The following ADAP1 variants were observed in gnomAD, a reference collection of about 807,000 sequenced individuals.
ADAP1 encodes ArfGAP with dual PH domains 1, also known as arf-GAP with dual PH domain-containing protein 1.
A neutral mutation model predicts 54.9 loss-of-function variants in ADAP1; 31 were observed. That is an observed-to-expected ratio of 0.56 (90% confidence interval 0.42 to 0.76). ADAP1 has a LOEUF of 0.76. ADAP1 is among the 30% of genes least tolerant of loss of function. The pLI is 0.00. For missense variants in ADAP1, 535 were observed against 512.4 expected, an observed-to-expected ratio of 1.04 and a Z score of -0.42; for synonymous variants, 313 against 202.6, an observed-to-expected ratio of 1.55 and a Z score of -4.63.
chr7:922,402 C>T (rs1008606673), intron 3 of ADAP1, among the ~76,000 whole-genome samples: 7 of 152,254 alleles, frequency 4.6e-5, no homozygotes, highest in African/African-American at 1.7e-4. Flanking sequence ...GTGCTCAGGG[C>T]GACTGCCTCC....
At chr7:907,356 C>CT (rs1297935092) in intron 4 of ADAP1, among the ~76,000 whole-genome samples, 1 of 152,136 alleles carries the variant, frequency 6.6e-6, no homozygotes, top group Non-Finnish European at 1.5e-5. Flanking sequence ...GCCGTGGAAA[C>CT]TGAGGCCAGA....
chr7:906,953 G>A (rs59317851), intron 4 of ADAP1, among the ~76,000 whole-genome samples: 2,566 of 152,166 alleles, frequency 0.017, 79 homozygotes, highest in African/African-American at 0.058. Context: ...GGCCCCCAGG[G>A]ACCCTCCCCA....
At position 937,261 on chromosome 7, in the gene ADAP1, C is replaced by A. The variant is rs1253809202; in HGVS notation, c.83-1756G>T. On this transcript the variant is annotated intron_variant, in intron 1 of 10. Transcript: ENST00000265846. ...CTGGGATTTGGGGGTCACGCCCGAC[C>A]TCTGGGATTTGGGGGTCATGCCTGG... is the stretch of plus-strand genomic sequence containing the variant. Among the ~76,000 whole-genome samples the A allele has an allele frequency of 4.8e-4, 16 of 33,656 alleles. 2 individuals are homozygous for A. The highest frequency in any genetic ancestry group is 6.5e-4 in the East Asian group (1 of 1,548). The allele number at this position is 33,656 out of a possible 152,430, so 22.1% of individuals were successfully genotyped here.
At chr7:930,959 G>A (rs1214930407) in intron 2 of ADAP1, among the ~76,000 whole-genome samples, 36 of 138,394 alleles carry the variant, frequency 2.6e-4, no homozygotes, top group African/African-American at 9.0e-4. Context: ...CAGCCTGGGC[G>A]ACAGAGTCAG....
At position 938,553 on chromosome 7, in the gene ADAP1, G is replaced by C. The variant is rs997596130; in HGVS notation, c.83-3048C>G. Among the ~76,000 whole-genome samples the C allele has an allele frequency of 6.6e-6, 1 of 152,178 alleles. No individual in the cohort carries two copies. The highest frequency in any genetic ancestry group is 1.5e-5 in the Non-Finnish European group (1 of 68,022). Reference sequence around the variant, plus strand: ...AACCACACTGAAGTCCCAGAAGAGAGAGACCTGACTCCCCCCGGGCTCCGT... The same window carrying C: ...AACCACACTGAAGTCCCAGAAGAGACAGACCTGACTCCCCCCGGGCTCCGT... On this transcript the variant is annotated intron_variant, in intron 1 of 10. Coordinates refer to ENST00000265846, the MANE Select transcript of ADAP1 (RefSeq NM_006869.4). The surrounding 1 kb of genome is among the most constrained non-coding windows in gnomAD (Gnocchi z 4.4).
chr7:904,416 G>C (rs1377219857), intron 5 of ADAP1, 144 bp from the exon 6 acceptor site: 3 of 1,046,610 alleles, frequency 2.9e-6, no homozygotes, highest in Non-Finnish European at 4.0e-6. Flanking sequence ...CTGAGCCTTG[G>C]CCTCCCGGTC....
Position 950,378 on chromosome 7 carries a change from C to T in ADAP1, c.82+4018G>A, listed in dbSNP as rs1477347028. ...GCGTGCACCTGTAGTCCCAGCTACT[C>T]GGGAGGCTGAGGCAGGAGAATGGCA... On this transcript the variant is annotated intron_variant, in intron 1 of 10. Transcript: ENST00000265846. Among the ~76,000 whole-genome samples, 3 of 150,368 alleles carry T rather than the reference C, an allele frequency of 2.0e-5. No individual in the cohort carries two copies. The Admixed American group carries it at 2.0e-4, about 10-fold the overall frequency.
chr7:916,105 C>T (rs568340428), intron 4 of ADAP1, among the ~76,000 whole-genome samples: 26 of 152,330 alleles, frequency 1.7e-4, no homozygotes, highest in African/African-American at 5.8e-4. Flanking sequence ...AGTCACATCC[C>T]GGCCCGACCA....
intron 1 of ADAP1, among the ~76,000 whole-genome samples, chr7:947,127 C>A (rs1847160380): frequency 6.6e-6 from 1 of 151,750 alleles, no homozygotes; most frequent in Non-Finnish European, 1.5e-5. Flanking sequence ...GCAGCCTCGG[C>A]CTCCTGGGCT....
At position 945,857 on chromosome 7, in the gene ADAP1, A is replaced by G; in HGVS notation, c.82+8539T>C. On this transcript the variant is annotated intron_variant, in intron 1 of 10. Coordinates refer to ENST00000265846, the MANE Select transcript of ADAP1 (RefSeq NM_006869.4). This position sits in a 1 kb window ranked among gnomAD's most constrained non-coding sequence, Gnocchi z 4.2. ...GTGAGCCACATTCTTGGGCGGAGCC[A>G]GGTGGGGCAGGCGTGTCCCCCAAGC... 1 of 984,568 alleles carries G rather than the reference A, an allele frequency of 1.0e-6. No homozygotes were observed. The highest frequency in any genetic ancestry group is 1.2e-6 in the Non-Finnish European group (1 of 829,112). 61.0% of individuals were successfully genotyped at this position (984,568 alleles called of 1,614,324 possible). A position where few individuals can be genotyped will look rare whatever the true frequency, so the allele number is the denominator to read the frequency against.
At chr7:939,824 T>A (rs1846892962) in intron 1 of ADAP1, among the ~76,000 whole-genome samples, 1 of 144,570 alleles carries the variant, frequency 6.9e-6, no homozygotes, top group South Asian at 2.2e-4. Context: ...GAGTGAGACT[T>A]TGTCTCAAAA....
intron 1 of ADAP1, among the ~76,000 whole-genome samples, chr7:952,249 C>A (rs1171691720): frequency 6.6e-6 from 1 of 152,210 alleles, no homozygotes; most frequent in Non-Finnish European, 1.5e-5. Flanking sequence ...CCCAAGACTG[C>A]TTCCCTCACA....
At chr7:955,205 C>T (rs527559616), upstream of ADAP1, 11 of 1,194,516 alleles carry the variant, frequency 9.2e-6, no homozygotes, top group South Asian at 1.1e-4. Context: ...ACCCTCTGGG[C>T]ACCCCTCCCA....
In ADAP1 at chr7:937,280, T is replaced by C. The variant is rs71538124; in HGVS notation, c.83-1775A>G. Among the ~76,000 whole-genome samples, 93 of 12,678 alleles carry C rather than the reference T, an allele frequency of 7.3e-3. 7 individuals carry two copies. The highest frequency in any genetic ancestry group is 0.026 in the South Asian group (3 of 116). 8.3% of individuals were successfully genotyped at this position (12,678 alleles called of 152,430 possible). ...CCCGACCTCTGGGATTTGGGGGTCATGCCTGGCCTCTGGGATTTGGGGGTC... is the reference window on the plus strand; with the variant it reads ...CCCGACCTCTGGGATTTGGGGGTCACGCCTGGCCTCTGGGATTTGGGGGTC... On this transcript the variant is annotated intron_variant, in intron 1 of 10. Coordinates refer to ENST00000265846, the MANE Select transcript of ADAP1 (RefSeq NM_006869.4).
At chr7:918,266 G>A (rs1343288036) in intron 4 of ADAP1, among the ~76,000 whole-genome samples, 1 of 152,186 alleles carries the variant, frequency 6.6e-6, no homozygotes, top group African/African-American at 2.4e-5. Flanking sequence ...ACCCGGCCTG[G>A]AGTGCAGTGG....
At chr7:949,588 C>T (rs953838244) in intron 1 of ADAP1, among the ~76,000 whole-genome samples, 7 of 152,234 alleles carry the variant, frequency 4.6e-5, no homozygotes, top group Admixed American at 1.3e-4. Context: ...GCTGCGGTCA[C>T]GGCCGGTGCA....
At chr7:916,346 C>T (rs1845932538) in intron 4 of ADAP1, among the ~76,000 whole-genome samples, 1 of 152,184 alleles carries the variant, frequency 6.6e-6, no homozygotes, top group South Asian at 2.1e-4. Flanking sequence ...TTATTCCAGT[C>T]AATCCATTTC....
intron 1 of ADAP1, among the ~76,000 whole-genome samples, chr7:951,089 A>T (rs1021622966): frequency 6.6e-6 from 1 of 150,962 alleles, no homozygotes; most frequent in East Asian, 2.0e-4. Flanking sequence ...TTTTTAAAAA[A>T]TCCGGCCAGG....
At chr7:910,529 G>C (rs538539879) in intron 4 of ADAP1, among the ~76,000 whole-genome samples, 2 of 152,218 alleles carry the variant, frequency 1.3e-5, no homozygotes, top group African/African-American at 4.8e-5. Context: ...GGGTTGCAGC[G>C]TGAGCCCCAC....
Sources: gnomAD v4.1 joint callset for allele counts (sites outside exome capture counted in the v4.1 genomes callset) on GRCh38, gnomAD v4.1.1 for gene constraint, Gnocchi (gnomAD v3.1) non-coding constraint, MANE v1.5 for transcripts, NCBI Gene and HGNC (gene_info 2026-07-23, HGNC 2026-07-21) for gene names.